CEP63: variants seen among roughly 807,000 people sequenced by gnomAD.
CEP63 encodes the protein centrosomal protein 63.
Under a neutral mutation model 89.1 loss-of-function variants are expected in CEP63, and 84 were observed. The observed-to-expected ratio is 0.94, with a 90% CI of 0.79 to 1.13. The LOEUF (loss-of-function observed/expected upper bound fraction) is 1.13, where lower values mean the gene tolerates loss of function less well. Among genes scored for constraint, CEP63 ranks in the 50% most tolerant of loss-of-function variants. CEP63 has a pLI of 0.00. For missense variants in CEP63, 838 were observed against 813.3 expected (o/e 1.03, Z -0.37); for synonymous variants, 267 against 272.5 (o/e 0.98, Z 0.20).
the CEP63 span, among the ~76,000 whole-genome samples, chr3:134,623,376 G>A: frequency 6.6e-6 from 1 of 152,052 alleles, no homozygotes; most frequent in Non-Finnish European, 1.5e-5. Flanking sequence ...TCCACTTCAC[G>A]GCAGGCCAGG....
the CEP63 span, chr3:134,603,664 C>A: frequency 1.6e-5 from 26 of 1,613,572 alleles, no homozygotes; most frequent in African/African-American, 2.7e-5. Flanking sequence ...GACTTCCTGG[C>A]AGCCAGCTGT....
chr3:134,485,991 G>GGCCCCCC, upstream of CEP63: 28 of 938,112 alleles, frequency 3.0e-5, no homozygotes, highest in South Asian at 4.9e-5. Context: ...CTCCTGCCAC[G>GGCCCCCC]CCCCCCCCCC....
chr3:134,727,903 A>T, the CEP63 span, among the ~76,000 whole-genome samples: 1 of 152,188 alleles, frequency 6.6e-6, no homozygotes. Flanking sequence ...GAAATTTTCT[A>T]TGCTGTAAAT....
chr3:134,554,632 A>G (rs1000046129), intron 12 of CEP63, among the ~76,000 whole-genome samples: 3 of 151,438 alleles, frequency 2.0e-5, no homozygotes, highest in Admixed American at 6.6e-5. Flanking sequence ...TGGTATTTCT[A>G]GTTCTAGATC....
downstream of CEP63, among the ~76,000 whole-genome samples, chr3:134,589,402 C>T (rs908460641): frequency 2.0e-5 from 3 of 152,052 alleles, no homozygotes; most frequent in Non-Finnish European, 2.9e-5. Context: ...TGTTTAACAT[C>T]ATCTGGAATA....
At chr3:134,529,983 C>G (rs1393354787) in intron 3 of CEP63, among the ~76,000 whole-genome samples, 1 of 150,274 alleles carries the variant, frequency 6.7e-6, no homozygotes. Flanking sequence ...ACACCATTCT[C>G]CTGCCTTGGC....
chr3:134,571,101 A>G (rs1363347224), intron 11 of CEP63, among the ~76,000 whole-genome samples: 1 of 152,234 alleles, frequency 6.6e-6, no homozygotes, highest in Non-Finnish European at 1.5e-5. Flanking sequence ...TTGGGCAGAG[A>G]CACAACCAAA....
the CEP63 span, chr3:134,651,028 C>T: frequency 5.0e-6 from 8 of 1,602,404 alleles, no homozygotes; most frequent in African/African-American, 1.3e-5. Flanking sequence ...CAAATGGCCC[C>T]GTGCGCGCAG....
At chr3:134,671,801 C>T in the CEP63 span, among the ~76,000 whole-genome samples, 1 of 152,118 alleles carries the variant, frequency 6.6e-6, no homozygotes, top group African/African-American at 2.4e-5. Flanking sequence ...AGGGTTTGAG[C>T]CCTTGCCCTG....
the CEP63 span, among the ~76,000 whole-genome samples, chr3:134,672,905 A>G: frequency 2.6e-5 from 4 of 152,144 alleles, no homozygotes. Context: ...AGCTCTAATC[A>G]TGTCATGTCC....
the CEP63 span, among the ~76,000 whole-genome samples, chr3:134,682,513 G>A: frequency 5.3e-5 from 8 of 152,280 alleles, no homozygotes; most frequent in African/African-American, 1.4e-4. Context: ...CCCGCTGTGT[G>A]ATTTGTTCTT....
the CEP63 span, among the ~76,000 whole-genome samples, chr3:134,602,547 GC>G: frequency 6.6e-6 from 1 of 152,220 alleles, no homozygotes; most frequent in Non-Finnish European, 1.5e-5. Context: ...GGCAGGCAGA[GC>G]CCTGTTAAAG....
In CEP63 at chr3:134,563,322, A is replaced by C. The variant is rs1394710031; in HGVS notation, c.*1787A>C. The C allele has an allele frequency of 6.6e-6, 1 of 152,196 alleles. No homozygotes were observed. The highest frequency in any genetic ancestry group is 1.9e-4 in the East Asian group (1 of 5,192). The allele number at this position is 152,196 out of a possible 1,614,324, so 9.4% of individuals were successfully genotyped here. ...GATTCTGGCAGTAGCCTCCTAACTG[A>C]TAGTACTCACACCAGTAATTCAGGG... On this transcript the variant is annotated 3_prime_UTR_variant, in exon 15 of 15. Coordinates refer to ENST00000675561, the MANE Select transcript of CEP63 (RefSeq NM_001353108.3).
At chr3:134,515,556 A>G (rs1025443089) in intron 3 of CEP63, among the ~76,000 whole-genome samples, 6 of 152,244 alleles carry the variant, frequency 3.9e-5, no homozygotes, top group Admixed American at 3.9e-4. Context: ...AGCATTACTC[A>G]AGGTGAAGAA....
At chr3:134,645,756 AT>A in the CEP63 span, among the ~76,000 whole-genome samples, 4 of 152,154 alleles carry the variant, frequency 2.6e-5, no homozygotes, top group Non-Finnish European at 4.4e-5. Context: ...TGCAAGAACT[AT>A]TTTAGTCATC....
chr3:134,545,792 A>AT lies in CEP63; in HGVS notation c.764dup (p.Leu255PhefsTer5). On this transcript the variant is annotated frameshift_variant, in exon 7 of 15. Coordinates refer to ENST00000675561, the MANE Select transcript of CEP63 (RefSeq NM_001353108.3). LOFTEE classifies it high-confidence loss of function. ...AGGAGCAGCAGCAAAAAGAAGAAAA[A>AT]TTGAGGGAATCTGAAAAACTATTAG... 6 of 1,613,856 alleles carry AT rather than the reference A, an allele frequency of 3.7e-6. No homozygotes were observed. The highest frequency in any genetic ancestry group is 5.1e-6 in the Non-Finnish European group (6 of 1,179,864).
the CEP63 span, among the ~76,000 whole-genome samples, chr3:134,718,355 G>T: frequency 6.6e-6 from 1 of 152,212 alleles, no homozygotes; most frequent in Non-Finnish European, 1.5e-5. Flanking sequence ...ATAGAAAGAT[G>T]AAGTGCTTAA....
chr3:134,654,083 T>C, the CEP63 span, among the ~76,000 whole-genome samples: 1 of 152,222 alleles, frequency 6.6e-6, no homozygotes. Context: ...AATAGTTGTA[T>C]TGTCACCTTT....
intron 10 of CEP63, 74 bp downstream of exon 10, chr3:134,549,250 G>T (rs761847990): frequency 3.3e-6 from 3 of 922,652 alleles, no homozygotes; most frequent in African/African-American, 1.6e-5. Context: ...GAGATTATAG[G>T]GGTTATTTTT....
Sources: gnomAD v4.1 joint callset for allele counts (sites outside exome capture counted in the v4.1 genomes callset) on GRCh38, gnomAD v4.1.1 for gene constraint, MANE v1.5 for transcripts, NCBI Gene and HGNC (gene_info 2026-07-23, HGNC 2026-07-21) for gene names.